The following TMEFF2 variants were observed in gnomAD, a reference collection of about 807,000 sequenced individuals.
TMEFF2 encodes the protein tomoregulin-2.
Under a neutral mutation model 53.8 loss-of-function variants are expected in TMEFF2, and 28 were observed. That is an observed-to-expected ratio of 0.52 (90% CI 0.39 to 0.71). The LOEUF is 0.71. TMEFF2 is among the 30% of genes least tolerant of loss of function. The pLI, the probability that TMEFF2 is intolerant of heterozygous loss-of-function variation, is 0.00. For missense variants in TMEFF2, 353 were observed against 455.2 expected (o/e 0.78, Z 2.04); for synonymous variants, 162 against 166.3 (o/e 0.97, Z 0.20).
At chr2:192,054,537 A>C (rs2356754) in intron 5 of TMEFF2, among the ~76,000 whole-genome samples, 16,674 of 152,004 alleles carry the variant, frequency 0.11, 1,085 homozygotes, top group East Asian at 0.32. Context: ...TACTGCCTTC[A>C]TACCATGGAT....
At chr2:192,120,354 G>A (rs1345563807) in intron 4 of TMEFF2, among the ~76,000 whole-genome samples, 3 of 152,280 alleles carry the variant, frequency 2.0e-5, no homozygotes, top group East Asian at 1.9e-4. Context: ...TGGAAAGAGC[G>A]AAATTCCACC....
intron 4 of TMEFF2, among the ~76,000 whole-genome samples, chr2:192,084,001 T>C (rs1226097826): frequency 6.6e-6 from 1 of 152,150 alleles, no homozygotes; most frequent in Non-Finnish European, 1.5e-5. Flanking sequence ...ATTGTTACCA[T>C]TGATGGGAAA....
At chr2:192,095,583 TAAAG>T (rs1179718901) in intron 4 of TMEFF2, among the ~76,000 whole-genome samples, 2 of 152,010 alleles carry the variant, frequency 1.3e-5, no homozygotes, top group African/African-American at 2.4e-5. Flanking sequence ...CAAACAAAAA[TAAAG>T]AAACAACAAC....
At chr2:192,045,936 C>G (rs1211075426) in intron 5 of TMEFF2, among the ~76,000 whole-genome samples, 2 of 152,226 alleles carry the variant, frequency 1.3e-5, no homozygotes, top group East Asian at 3.8e-4. Context: ...GCTTTATCCA[C>G]CATCTTGGTA....
At chr2:192,155,670 G>A (rs1407771860) in intron 4 of TMEFF2, among the ~76,000 whole-genome samples, 1 of 151,962 alleles carries the variant, frequency 6.6e-6, no homozygotes, top group East Asian at 1.9e-4. Context: ...TGAGGCAGTT[G>A]GCAATGCTGC....
At chr2:192,140,438 C>T (rs528365864) in intron 4 of TMEFF2, among the ~76,000 whole-genome samples, 9 of 152,136 alleles carry the variant, frequency 5.9e-5, no homozygotes, top group Admixed American at 3.3e-4. Flanking sequence ...GTGTCCGCAC[C>T]GAGGGAGATG....
At chr2:192,085,767 A>T (rs751648880) in intron 4 of TMEFF2, among the ~76,000 whole-genome samples, 1 of 152,072 alleles carries the variant, frequency 6.6e-6, no homozygotes, top group African/African-American at 2.4e-5. Flanking sequence ...AAGTCAGGTC[A>T]GAGAAACCTA....
At chr2:192,100,866 C>T (rs1273599797) in intron 4 of TMEFF2, among the ~76,000 whole-genome samples, 1 of 152,116 alleles carries the variant, frequency 6.6e-6, no homozygotes, top group Non-Finnish European at 1.5e-5. Flanking sequence ...TATACCATCA[C>T]AAATATGTTT....
chr2:192,191,151 A>T (rs1374092264), intron 2 of TMEFF2, among the ~76,000 whole-genome samples: 1 of 152,182 alleles, frequency 6.6e-6, no homozygotes, highest in Non-Finnish European at 1.5e-5. Context: ...TACTAATGAC[A>T]CTAAAAGTTC....
intron 6 of TMEFF2, 42 bp from the exon 7 acceptor site, chr2:191,998,363 C>A: frequency 7.4e-7 from 1 of 1,343,068 alleles, no homozygotes; most frequent in Non-Finnish European, 1.0e-6. Context: ...TAACTGCTTC[C>A]TAAATATCTA....
chr2:192,093,449 T>A (rs1688836735), intron 4 of TMEFF2, among the ~76,000 whole-genome samples: 2 of 152,112 alleles, frequency 1.3e-5, no homozygotes, highest in African/African-American at 4.8e-5. Flanking sequence ...TTCAATAATA[T>A]CCCATCTCTC....
chr2:192,136,767 G>A (rs1574406708), intron 4 of TMEFF2, among the ~76,000 whole-genome samples: 2 of 151,224 alleles, frequency 1.3e-5, no homozygotes, highest in East Asian at 3.9e-4. Context: ...ATTAATATTT[G>A]ACACCTGTTT....
intron 4 of TMEFF2, among the ~76,000 whole-genome samples, chr2:192,097,635 T>C (rs1688944046): frequency 6.6e-6 from 1 of 152,212 alleles, no homozygotes; most frequent in South Asian, 2.1e-4. Context: ...GTTTATGCGA[T>C]ATAGCAGGAA....
intron 7 of TMEFF2, among the ~76,000 whole-genome samples, chr2:191,989,140 T>G (rs1686047198): frequency 6.6e-6 from 1 of 152,192 alleles, no homozygotes; most frequent in Non-Finnish European, 1.5e-5. Flanking sequence ...GACTGAGATA[T>G]ATACTAAAAT....
intron 7 of TMEFF2, among the ~76,000 whole-genome samples, chr2:191,962,277 A>G (rs915563477): frequency 7.2e-5 from 11 of 152,210 alleles, no homozygotes; most frequent in African/African-American, 1.2e-4. Context: ...GCAAACAAAC[A>G]GAAATTCCTC....
chr2:192,170,008 C>G (rs759845010), intron 4 of TMEFF2, among the ~76,000 whole-genome samples: 9 of 151,880 alleles, frequency 5.9e-5, no homozygotes, highest in Non-Finnish European at 1.3e-4. Flanking sequence ...CCTTTTTTTC[C>G]TTTAAACTGC....
At chr2:192,166,616 G>C (rs1046707277) in intron 4 of TMEFF2, among the ~76,000 whole-genome samples, 1 of 151,852 alleles carries the variant, frequency 6.6e-6, no homozygotes, top group Non-Finnish European at 1.5e-5. Context: ...CTAGTCTAAG[G>C]CTCAGGAGGA....
chr2:192,037,368 A>G (rs1312836300), intron 5 of TMEFF2, among the ~76,000 whole-genome samples: 2 of 151,392 alleles, frequency 1.3e-5, no homozygotes, highest in East Asian at 1.9e-4. Flanking sequence ...CCTCTCACTT[A>G]AGTTTTTTTT....
intron 5 of TMEFF2, among the ~76,000 whole-genome samples, chr2:192,025,016 C>T (rs1559089017): frequency 6.6e-6 from 1 of 152,112 alleles, no homozygotes; most frequent in African/African-American, 2.4e-5. Context: ...ATACTGTTGC[C>T]TATTATAAAG....
Sources: gnomAD v4.1 joint callset for allele counts (sites outside exome capture counted in the v4.1 genomes callset) on GRCh38, gnomAD v4.1.1 for gene constraint, MANE v1.5 for transcripts, NCBI Gene and HGNC (gene_info 2026-07-23, HGNC 2026-07-21) for gene names.